CRADD: variants seen among roughly 807,000 people sequenced by gnomAD.
CRADD encodes death domain-containing protein CRADD.
In CRADD, 9 loss-of-function variants were observed where a neutral mutation model predicts 15.5. The ratio of observed to expected loss-of-function variants is 0.58; its 90% CI spans 0.35 to 1.01. CRADD has a LOEUF of 1.01. Among genes scored for constraint, CRADD ranks in the 50% least tolerant of loss-of-function variants. CRADD has a pLI of 0.02. For synonymous variants in CRADD, 118 were observed against 107.6 expected, an observed-to-expected ratio of 1.10 and a Z score of -0.60; for missense variants, 227 against 250.3, an observed-to-expected ratio of 0.91 and a Z score of 0.63.
At chr12:93,711,549 C>T (rs1024284183) in intron 2 of CRADD, among the ~76,000 whole-genome samples, 60 of 151,956 alleles carry the variant, frequency 3.9e-4, no homozygotes, top group African/African-American at 1.4e-3. Context: ...TACTCTTCTC[C>T]CCTCCCTCTT....
intron 2 of CRADD, among the ~76,000 whole-genome samples, chr12:93,802,427 C>T (rs1169376149): frequency 2.0e-5 from 3 of 152,294 alleles, no homozygotes; most frequent in African/African-American, 7.2e-5. Context: ...CTCATGTCAG[C>T]CATCATCATA....
At position 93,685,866 on chromosome 12, in the gene CRADD, G is replaced by A. The variant is rs145047102; in HGVS notation, c.298+6794G>A. Among the ~76,000 whole-genome samples the A allele has an allele frequency of 7.2e-3, 1,092 of 150,862 alleles. 23 individuals are homozygous for A. Among genetic ancestry groups the A allele is most frequent in the African/African-American group, 0.025 (1,036 of 41,028 alleles). ...AAATTAGCCAGGCGTGGTGGCAGGCGCCTGGAATCCCAGCTACTTGGGAGG... is the reference window on the plus strand; with the variant it reads ...AAATTAGCCAGGCGTGGTGGCAGGCACCTGGAATCCCAGCTACTTGGGAGG... On this transcript the variant is annotated intron_variant, in intron 2 of 2. Transcript: ENST00000332896.
At chr12:93,692,206 T>C (rs1955590602) in intron 2 of CRADD, among the ~76,000 whole-genome samples, 1 of 152,002 alleles carries the variant, frequency 6.6e-6, no homozygotes, top group African/African-American at 2.4e-5. Context: ...TGAAAAGGAA[T>C]GAAGAAAGCT....
chr12:93,750,468 TA>T (rs1444885396), intron 2 of CRADD, among the ~76,000 whole-genome samples: 1 of 152,218 alleles, frequency 6.6e-6, no homozygotes, highest in Admixed American at 6.5e-5. Context: ...AAGATAACTC[TA>T]AAGGTTTTGT....
At position 93,838,564 on chromosome 12, in the gene CRADD, C is replaced by CT. The variant is rs796681947; in HGVS notation, c.299-11392dup. 8.5e-3 allele frequency among the ~76,000 whole-genome samples: 513 copies of CT among 60,682 alleles called. 3 individuals carry two copies. The highest frequency in any genetic ancestry group is 0.018 in the African/African-American group (266 of 14,902). The allele number at this position is 60,682 out of a possible 152,430, so 39.8% of individuals were successfully genotyped here. On this transcript the variant is annotated intron_variant, in intron 2 of 2. Transcript: ENST00000332896. ...CTCCCTTGCTTCTCTCTTTCTCTCT[C>CT]TTTTTTTTTTTTTTCCTTTGCGCTC...
chr12:93,727,475 T>C (rs949148692), intron 2 of CRADD, among the ~76,000 whole-genome samples: 8 of 152,236 alleles, frequency 5.3e-5, no homozygotes, highest in African/African-American at 1.9e-4. Flanking sequence ...TTTCACTTGC[T>C]TTGTTACCAT....
chr12:93,893,293 A>G (rs540538775), intron 2 of CRADD, among the ~76,000 whole-genome samples: 4 of 152,304 alleles, frequency 2.6e-5, no homozygotes, highest in Non-Finnish European at 2.9e-5. Flanking sequence ...GTTACTAACT[A>G]TAAAGAAAAG....
rs568599400 is a variant in CRADD at position 93,721,801 on chromosome 12, G to A, written c.298+42729G>A. Reference sequence around the variant, plus strand: ...GAAGCCAATCTCCCATGGATAATAAGGGACTACTGTACACATAAGCATACA... The same window carrying A: ...GAAGCCAATCTCCCATGGATAATAAAGGACTACTGTACACATAAGCATACA... On this transcript the variant is annotated intron_variant, in intron 2 of 2. Transcript: ENST00000332896. 5.3e-5 allele frequency among the ~76,000 whole-genome samples: 8 copies of A among 152,206 alleles called. No individual in the cohort carries two copies. The South Asian group carries it at 1.2e-3, about 24-fold the overall frequency.
chr12:93,696,003 A>T (rs1041332956), intron 2 of CRADD, among the ~76,000 whole-genome samples: 4 of 152,252 alleles, frequency 2.6e-5, no homozygotes, highest in African/African-American at 9.6e-5. Context: ...ATCGCAAATC[A>T]CCAGGGAAAT....
intron 2 of CRADD, among the ~76,000 whole-genome samples, chr12:93,841,803 G>A (rs1958050374): frequency 6.6e-6 from 1 of 152,154 alleles, no homozygotes; most frequent in African/African-American, 2.4e-5. Flanking sequence ...AAGCGGCTGT[G>A]CTGGAACGGG....
chr12:93,684,268 C>T (rs148800134), intron 2 of CRADD, among the ~76,000 whole-genome samples: 2 of 152,266 alleles, frequency 1.3e-5, no homozygotes, highest in Admixed American at 6.5e-5. Flanking sequence ...TTTCAACCAA[C>T]GGGAGAGTTG....
intron 2 of CRADD, among the ~76,000 whole-genome samples, chr12:93,864,826 C>T (rs1385317937): frequency 6.6e-6 from 1 of 152,204 alleles, no homozygotes; most frequent in Non-Finnish European, 1.5e-5. Context: ...GTTTCTTATG[C>T]AAGTTATGTA....
At chr12:93,731,580 A>G (rs1429863432) in intron 2 of CRADD, among the ~76,000 whole-genome samples, 1 of 152,214 alleles carries the variant, frequency 6.6e-6, no homozygotes, top group Non-Finnish European at 1.5e-5. Flanking sequence ...ATCCTTCTCC[A>G]TAGATACAAG....
intron 2 of CRADD, among the ~76,000 whole-genome samples, chr12:93,720,883 A>G (rs1170640410): frequency 2.0e-5 from 3 of 152,118 alleles, no homozygotes; most frequent in Admixed American, 2.0e-4. Flanking sequence ...TTTTTCAATT[A>G]GTGTGTTTAG....
intron 2 of CRADD, among the ~76,000 whole-genome samples, chr12:93,690,272 A>G (rs1955536167): frequency 6.6e-6 from 1 of 152,228 alleles, no homozygotes; most frequent in African/African-American, 2.4e-5. Context: ...GTGAAAGCTG[A>G]TTGAAGCAAG....
At chr12:93,801,211 C>T (rs887192314) in intron 2 of CRADD, among the ~76,000 whole-genome samples, 2 of 152,132 alleles carry the variant, frequency 1.3e-5, no homozygotes, top group Admixed American at 6.5e-5. Context: ...CCTTATCAAC[C>T]TTTCACAATG....
chr12:93,841,573 TTC>T (rs1392425568), intron 2 of CRADD, among the ~76,000 whole-genome samples: 3 of 152,210 alleles, frequency 2.0e-5, no homozygotes, highest in African/African-American at 7.2e-5. Context: ...CTGTTCAAGT[TTC>T]TGTTTTTTCC....
At position 93,850,690 on chromosome 12, in the gene CRADD, T is replaced by A. The variant is rs1409408290; in HGVS notation, c.*419T>A. 22 of 984,016 alleles carry A rather than the reference T, an allele frequency of 2.2e-5. No homozygotes were observed. The highest frequency in any genetic ancestry group is 2.5e-5 in the Non-Finnish European group (21 of 828,636). The allele number at this position is 984,016 out of a possible 1,614,324, so 61.0% of individuals were successfully genotyped here. A position where few individuals can be genotyped will look rare whatever the true frequency, so the allele number is the denominator to read the frequency against. ...TGTCTGAGGACTGAACTGTGGACTTTACTATTCATAATGATAAAATAATAA... is the reference window on the plus strand; with the variant it reads ...TGTCTGAGGACTGAACTGTGGACTTAACTATTCATAATGATAAAATAATAA... On this transcript the variant is annotated 3_prime_UTR_variant, in exon 3 of 3. Coordinates refer to ENST00000332896, the MANE Select transcript of CRADD (RefSeq NM_003805.5). The surrounding 1 kb of genome is among the most constrained non-coding windows in gnomAD (Gnocchi z 4.0).
chr12:93,810,501 A>C (rs765647747), intron 2 of CRADD, among the ~76,000 whole-genome samples: 3 of 133,024 alleles, frequency 2.3e-5, no homozygotes, highest in Non-Finnish European at 4.6e-5. Context: ...CGGTGAGCCA[A>C]GATTGTACCA....
Sources: allele counts gnomAD v4.1 joint callset (sites outside exome capture counted in the v4.1 genomes callset), GRCh38; gene constraint gnomAD v4.1.1; non-coding constraint Gnocchi (gnomAD v3.1); transcripts MANE v1.5; gene names NCBI Gene and HGNC (gene_info 2026-07-23, HGNC 2026-07-21).